SLC22A24: variants seen among roughly 807,000 people sequenced by gnomAD.
SLC22A24 encodes the protein solute carrier family 22 member 24.
A neutral mutation model predicts 49.8 loss-of-function variants in SLC22A24; 53 were observed. The ratio of observed to expected loss-of-function variants is 1.06; its 90% confidence interval spans 0.85 to 1.34. SLC22A24 has a LOEUF of 1.34. SLC22A24 is among the 40% of genes most tolerant of loss of function. The pLI is 0.00. For missense variants in SLC22A24, 786 were observed against 675.9 expected (o/e 1.16, Z -1.81); for synonymous variants, 302 against 256.4 (o/e 1.18, Z -1.70).
intron 5 of SLC22A24, among the ~76,000 whole-genome samples, chr11:63,097,242 C>A (rs941861338): frequency 6.7e-6 from 1 of 148,476 alleles, no homozygotes; most frequent in African/African-American, 2.5e-5. Flanking sequence ...AAAAAAAAAA[C>A]AACCCCATCA....
At chr11:63,102,427 G>A (rs2087097028) in intron 5 of SLC22A24, among the ~76,000 whole-genome samples, 1 of 152,030 alleles carries the variant, frequency 6.6e-6, no homozygotes, top group African/African-American at 2.4e-5. Flanking sequence ...CAGATGCACT[G>A]GTCTGTCACC....
chr11:63,107,699 T>C (rs1304253617), intron 4 of SLC22A24, among the ~76,000 whole-genome samples: 1 of 152,162 alleles, frequency 6.6e-6, no homozygotes, highest in Non-Finnish European at 1.5e-5. Context: ...GAAGCAATTG[T>C]GAATGGGAGT....
Position 63,144,065 on chromosome 11 carries a change from A to G in SLC22A24, c.-286T>C. 3.9e-6 allele frequency: 1 copy of G among 259,232 alleles called. No individual in the cohort carries two copies. Among genetic ancestry groups the G allele is most frequent in the Non-Finnish European group, 7.3e-6 (1 of 137,372 alleles). The allele number at this position is 259,232 out of a possible 1,614,324, so 16.1% of individuals were successfully genotyped here. On this transcript the variant is annotated 5_prime_UTR_variant, in exon 1 of 10. Coordinates refer to ENST00000612278, the MANE Select transcript of SLC22A24 (RefSeq NM_001136506.2). ...GCTGTTGACAACTGAATCTTCTTAA[A>G]AGACTACTCTGTGAAAGATCCTGAT...
At chr11:63,081,157 T>C (rs1185627794) in intron 8 of SLC22A24, 34 bp from the exon 9 acceptor site, 4 of 1,511,124 alleles carry the variant, frequency 2.6e-6, no homozygotes, top group Non-Finnish European at 2.7e-6. Context: ...AAAAATCTTG[T>C]ATGAATCTGT....
At chr11:63,143,264 T>A (rs1325962911) in intron 1 of SLC22A24, 114 bp downstream of exon 1, 1 of 829,100 alleles carries the variant, frequency 1.2e-6, no homozygotes, top group African/African-American at 1.8e-5. Flanking sequence ...GAATGAAGAA[T>A]GAGCTGACTG....
chr11:63,081,610 C>T lies in SLC22A24; in HGVS notation c.1342G>A (p.Ala448Thr). 1 of 1,551,618 alleles carries T rather than the reference C, an allele frequency of 6.4e-7. No homozygotes were observed. Among genetic ancestry groups the T allele is most frequent in the South Asian group, 1.2e-5 (1 of 84,056 alleles). The change falls in exon 8 of 10, where the codon GCT becomes ACT. Residue 448 changes from alanine to threonine, a missense_variant. Physicochemically the swap from Ala to Thr is moderately conservative, Grantham distance 58 (BLOSUM62 0). Coordinates refer to ENST00000612278, the MANE Select transcript of SLC22A24 (RefSeq NM_001136506.2). ...ATLGIGSVSA[A>T]SNSASVHHNE... Reference sequence around the variant, plus strand: ...TGGTGGACAGAAGCACTGTTGCTAGCAGCAGAAACACTACCAATTCCCAAA... The same window carrying T: ...TGGTGGACAGAAGCACTGTTGCTAGTAGCAGAAACACTACCAATTCCCAAA...
rs1200736595 is a variant in SLC22A24 at position 63,081,033 on chromosome 11, G to A, written c.1485C>T (p.His495=). 7.1e-6 allele frequency: 11 copies of A among 1,551,740 alleles called. No individual in the cohort carries two copies. Among genetic ancestry groups the A allele is most frequent in the Non-Finnish European group, 9.6e-6 (11 of 1,147,006 alleles). The change falls in exon 9 of 10, where the codon CAC becomes CAT. Residue 495 remains histidine (H), a synonymous_variant. Coordinates refer to ENST00000612278, the MANE Select transcript of SLC22A24 (RefSeq NM_001136506.2). ...LLMTLMAYSP[H]LPWISYGVFP... is the part of the protein sequence containing the mutation. ...AGACTCCATAGGAAATCCAGGGTAG[G>A]TGGGGAGAATACGCCATTAAGGTCA... is the stretch of plus-strand genomic sequence containing the variant.
At chr11:63,137,079 CTGTT>C (rs1180064252) in intron 1 of SLC22A24, among the ~76,000 whole-genome samples, 3 of 151,922 alleles carry the variant, frequency 2.0e-5, no homozygotes, top group East Asian at 1.9e-4. Flanking sequence ...TGCAGGGTGT[CTGTT>C]TGTAGCTCCA....
At chr11:63,135,425 C>T (rs192296373) in intron 1 of SLC22A24, among the ~76,000 whole-genome samples, 1 of 152,324 alleles carries the variant, frequency 6.6e-6, no homozygotes, top group African/African-American at 2.4e-5. Flanking sequence ...TGCCTAACAG[C>T]ATTCCAAATA....
At chr11:63,093,986 A>T (rs2134643012) in intron 6 of SLC22A24, among the ~76,000 whole-genome samples, 1 of 3,636 alleles carries the variant, frequency 2.8e-4, no homozygotes, top group African/African-American at 2.8e-4. Flanking sequence ...TCCTGTATTT[A>T]AAAAAAAATT....
chr11:63,093,405 C>A (rs527668585), intron 6 of SLC22A24, among the ~76,000 whole-genome samples: 1 of 152,182 alleles, frequency 6.6e-6, no homozygotes, highest in Admixed American at 6.5e-5. Flanking sequence ...ATGTTTATTG[C>A]AGCACTATTT....
chr11:63,091,337 C>T (rs971725107), intron 6 of SLC22A24, among the ~76,000 whole-genome samples: 1 of 152,156 alleles, frequency 6.6e-6, no homozygotes. Flanking sequence ...CAAAGAGGAG[C>T]TGGTACCATT....
chr11:63,112,472 C>T (rs9667317), intron 4 of SLC22A24, among the ~76,000 whole-genome samples: 120,415 of 151,930 alleles, frequency 0.79, 48,911 homozygotes, highest in East Asian at 0.9. Flanking sequence ...CCATTATTAT[C>T]GTGTGGGAGT....
At chr11:63,107,779 A>T (rs979760970) in intron 4 of SLC22A24, among the ~76,000 whole-genome samples, 2 of 152,126 alleles carry the variant, frequency 1.3e-5, no homozygotes, top group Non-Finnish European at 2.9e-5. Context: ...TCGCACACTG[A>T]TTTTGTATCC....
At chr11:63,134,046 C>T (rs2087355889) in intron 2 of SLC22A24, among the ~76,000 whole-genome samples, 2 of 152,126 alleles carry the variant, frequency 1.3e-5, no homozygotes, top group South Asian at 4.1e-4. Context: ...TGTGGTTATA[C>T]AAATGACATT....
chr11:63,084,463 A>G (rs919945554), intron 6 of SLC22A24, among the ~76,000 whole-genome samples: 2 of 152,176 alleles, frequency 1.3e-5, no homozygotes, highest in Non-Finnish European at 2.9e-5. Flanking sequence ...CAATAAGGCA[A>G]TGCAAAGCCA....
At chr11:63,111,813 T>A (rs979260637) in intron 4 of SLC22A24, among the ~76,000 whole-genome samples, 1 of 152,192 alleles carries the variant, frequency 6.6e-6, no homozygotes, top group Non-Finnish European at 1.5e-5. Flanking sequence ...CCTGGATTCA[T>A]TAATTTTTTG....
chr11:63,110,392 T>C (rs1220954301), intron 4 of SLC22A24, among the ~76,000 whole-genome samples: 2 of 152,042 alleles, frequency 1.3e-5, no homozygotes, highest in African/African-American at 4.8e-5. Context: ...AAGAAAGTCA[T>C]TGGTAGCTTG....
intron 1 of SLC22A24, among the ~76,000 whole-genome samples, chr11:63,135,845 G>T (rs1232774415): frequency 6.6e-6 from 1 of 152,212 alleles, no homozygotes; most frequent in African/African-American, 2.4e-5. Flanking sequence ...GGTGGTTCAA[G>T]AAGTTTTGCA....
Sources: gnomAD v4.1 joint callset for allele counts (sites outside exome capture counted in the v4.1 genomes callset) on GRCh38, gnomAD v4.1.1 for gene constraint, MANE v1.5 for transcripts, NCBI Gene and HGNC (gene_info 2026-07-23, HGNC 2026-07-21) for gene names.